YAP1: variants seen among roughly 807,000 people sequenced by gnomAD.
YAP1 encodes Yes1 associated transcriptional regulator.
In YAP1, 5 loss-of-function variants were observed where a neutral mutation model predicts 56.9. The ratio of observed to expected loss-of-function variants is 0.09; its 90% CI spans 0.05 to 0.18. The LOEUF is 0.18. Ranked by LOEUF, YAP1 falls within the 10% of genes least tolerant of loss-of-function variation. The pLI is 1.00. For missense variants in YAP1, 539 were observed against 651.8 expected (o/e 0.83, Z 1.88); for synonymous variants, 265 against 248.1 (o/e 1.07, Z -0.64).
chr11:102,187,040 G>A (rs538551575), intron 4 of YAP1, among the ~76,000 whole-genome samples: 1 of 152,182 alleles, frequency 6.6e-6, no homozygotes, highest in South Asian at 2.1e-4. Context: ...AGCTTTACAG[G>A]GTTTGACCTA....
At chr11:102,176,552 C>T (rs1264412406) in intron 3 of YAP1, among the ~76,000 whole-genome samples, 1 of 151,690 alleles carries the variant, frequency 6.6e-6, no homozygotes, top group Non-Finnish European at 1.5e-5. Context: ...TGAGACCAGC[C>T]TGGCCAACAT....
At chr11:102,142,045 G>A (rs1303543822) in intron 2 of YAP1, among the ~76,000 whole-genome samples, 1 of 152,152 alleles carries the variant, frequency 6.6e-6, no homozygotes, top group Non-Finnish European at 1.5e-5. Flanking sequence ...TATTTGCAGT[G>A]TTTTTCATGT....
Position 102,110,833 on chromosome 11 carries a change from G to C in YAP1, c.-16G>C, listed in dbSNP as rs757181870. 1 of 1,388,214 alleles carries C rather than the reference G, an allele frequency of 7.2e-7. No homozygotes were observed. Among genetic ancestry groups the C allele is most frequent in the Non-Finnish European group, 9.3e-7 (1 of 1,070,916 alleles). The allele number at this position is 1,388,214 out of a possible 1,614,324, so 86.0% of individuals were successfully genotyped here. A position where few individuals can be genotyped will look rare whatever the true frequency, so the allele number is the denominator to read the frequency against. On this transcript the variant is annotated 5_prime_UTR_variant, in exon 1 of 9. Coordinates refer to ENST00000282441, the MANE Select transcript of YAP1 (RefSeq NM_001130145.3). ...TCGCCTGGGTCAGGGGGTGCGCGTC[G>C]GGGGAGGCAGAAGCCATGGATCCCG...
intron 4 of YAP1, among the ~76,000 whole-genome samples, chr11:102,193,255 A>C (rs1056050968): frequency 1.3e-5 from 2 of 152,160 alleles, no homozygotes; most frequent in African/African-American, 4.8e-5. Flanking sequence ...TGCTTAAATG[A>C]ATATTTTAAT....
At chr11:102,195,853 A>C (rs1246042642) in intron 4 of YAP1, among the ~76,000 whole-genome samples, 4 of 152,188 alleles carry the variant, frequency 2.6e-5, no homozygotes, top group Non-Finnish European at 5.9e-5. Context: ...TTGGTACCAG[A>C]AGTGGGGAAA....
chr11:102,148,698 T>C (rs1945461989), intron 2 of YAP1, among the ~76,000 whole-genome samples: 1 of 152,212 alleles, frequency 6.6e-6, no homozygotes, highest in South Asian at 2.1e-4. Flanking sequence ...GTATCTGAAA[T>C]GCCTTTCCTC....
Position 102,229,979 on chromosome 11 carries a change from C to A in YAP1, c.*39C>A. The A allele has an allele frequency of 6.4e-7, 1 of 1,563,438 alleles. No individual in the cohort carries two copies. Among genetic ancestry groups the A allele is most frequent in the Non-Finnish European group, 8.8e-7 (1 of 1,137,482 alleles). On this transcript the variant is annotated 3_prime_UTR_variant, in exon 9 of 9. Transcript: ENST00000282441. ...ACTGAATTCTAAATCTGTGAAGGATCTAAGGAGACACATGCACCGGAAATT... is the reference window on the plus strand; with the variant it reads ...ACTGAATTCTAAATCTGTGAAGGATATAAGGAGACACATGCACCGGAAATT...
At chr11:102,147,980 A>G (rs1945418087) in intron 2 of YAP1, among the ~76,000 whole-genome samples, 2 of 152,324 alleles carry the variant, frequency 1.3e-5, no homozygotes, top group East Asian at 3.9e-4. Flanking sequence ...ATTGGAGTAT[A>G]TTGTGGAAGT....
intron 7 of YAP1, among the ~76,000 whole-genome samples, chr11:102,224,675 GTT>G (rs34092691): frequency 0.26 from 39,116 of 152,022 alleles, 5,221 homozygotes; most frequent in East Asian, 0.36. Flanking sequence ...CATTTACTCA[GTT>G]TTTAAGATTA....
At chr11:102,200,313 C>T (rs1274236426) in intron 4 of YAP1, among the ~76,000 whole-genome samples, 1 of 152,056 alleles carries the variant, frequency 6.6e-6, no homozygotes, top group Non-Finnish European at 1.5e-5. Flanking sequence ...TGCAGTGGAT[C>T]AGATTTGAGT....
intron 2 of YAP1, among the ~76,000 whole-genome samples, chr11:102,119,038 C>A (rs1031422624): frequency 6.6e-6 from 1 of 151,692 alleles, no homozygotes; most frequent in African/African-American, 2.4e-5. Context: ...ATTGCAATCA[C>A]GAAGTATTTC....
At chr11:102,191,604 G>A (rs781464645) in intron 4 of YAP1, among the ~76,000 whole-genome samples, 2 of 152,148 alleles carry the variant, frequency 1.3e-5, no homozygotes, top group African/African-American at 2.4e-5. Flanking sequence ...TAATGCACTT[G>A]CATCTTGTAT....
chr11:102,187,420 C>G (rs1006175889), intron 4 of YAP1, among the ~76,000 whole-genome samples: 1 of 152,128 alleles, frequency 6.6e-6, no homozygotes, highest in Non-Finnish European at 1.5e-5. Flanking sequence ...ATTCTGTTTA[C>G]TATTTGAATT....
At chr11:102,118,479 T>G (rs1385597282) in intron 2 of YAP1, among the ~76,000 whole-genome samples, 1 of 124,004 alleles carries the variant, frequency 8.1e-6, no homozygotes, top group Non-Finnish European at 1.7e-5. Flanking sequence ...TTTTTTTTTT[T>G]TTGAGACAGA....
chr11:102,130,486 C>T (rs1027133480), intron 2 of YAP1, among the ~76,000 whole-genome samples: 1 of 152,056 alleles, frequency 6.6e-6, no homozygotes, highest in Non-Finnish European at 1.5e-5. Context: ...TCACTGTAGC[C>T]TCAATCCTCT....
At chr11:102,192,970 C>T (rs1003054141) in intron 4 of YAP1, among the ~76,000 whole-genome samples, 1 of 152,198 alleles carries the variant, frequency 6.6e-6, no homozygotes, top group African/African-American at 2.4e-5. Flanking sequence ...GCTTTGTCCA[C>T]ACTCTCAAAC....
intron 2 of YAP1, among the ~76,000 whole-genome samples, chr11:102,137,152 C>CTA (rs1477469414): frequency 2.0e-5 from 3 of 152,200 alleles, no homozygotes; most frequent in African/African-American, 7.2e-5. Flanking sequence ...GAAGATGGAA[C>CTA]TAACAAGATC....
chr11:102,122,061 C>T (rs1180316191), intron 2 of YAP1, among the ~76,000 whole-genome samples: 1 of 152,160 alleles, frequency 6.6e-6, no homozygotes, highest in African/African-American at 2.4e-5. Flanking sequence ...ACCACCACAC[C>T]TGGCCAGGCA....
Position 102,110,857 on chromosome 11 carries a change from C to G in YAP1, c.9C>G (p.Pro3=). The change falls in exon 1 of 9, where the codon CCC becomes CCG. Residue 3 remains proline, a synonymous_variant. Transcript: ENST00000282441. ...CGGGGGAGGCAGAAGCCATGGATCC[C>G]GGGCAGCAGCCGCCGCCTCAACCGG... The part of the protein sequence containing the change: MD[P]GQQPPPQPAP... The G allele has an allele frequency of 1.4e-6, 2 of 1,411,402 alleles. No individual in the cohort carries two copies. Among genetic ancestry groups the G allele is most frequent in the Non-Finnish European group, 1.8e-6 (2 of 1,081,682 alleles). 87.4% of individuals were successfully genotyped at this position (1,411,402 alleles called of 1,614,324 possible).
Sources: gnomAD v4.1 joint callset for allele counts (sites outside exome capture counted in the v4.1 genomes callset) on GRCh38, gnomAD v4.1.1 for gene constraint, MANE v1.5 for transcripts, NCBI Gene and HGNC (gene_info 2026-07-23, HGNC 2026-07-21) for gene names.